Variants in GAB1 observed in about 807,000 individuals in gnomAD.
GAB1 encodes GRB2 associated binding protein 1.
GAB1 carries 19 observed loss-of-function variants against 66.5 expected under a neutral mutation model. The observed-to-expected ratio is 0.29, with a 90% CI of 0.20 to 0.42. GAB1 has a LOEUF of 0.42. Among genes scored for constraint, GAB1 ranks in the 10% least tolerant of loss-of-function variants. The pLI, the probability that GAB1 is intolerant of heterozygous loss-of-function variation, is 1.00. For missense variants in GAB1, 732 were observed against 858.5 expected (o/e 0.85, Z 1.84); for synonymous variants, 294 against 301.4 (o/e 0.98, Z 0.25).
chr4:143,415,847 GT>G, intron 2 of GAB1, 76 bp downstream of exon 2: 1 of 1,099,858 alleles, frequency 9.1e-7, no homozygotes, highest in Non-Finnish European at 1.3e-6. Flanking sequence ...ACAATTCTTT[GT>G]TATTTTAGTT....
chr4:143,365,745 A>G (rs1206146755), intron 1 of GAB1, among the ~76,000 whole-genome samples: 1 of 152,236 alleles, frequency 6.6e-6, no homozygotes, highest in African/African-American at 2.4e-5. Context: ...GTGGCTGGCC[A>G]TAGTACCCAT....
intron 2 of GAB1, among the ~76,000 whole-genome samples, chr4:143,433,208 C>G (rs955034976): frequency 6.6e-6 from 1 of 152,098 alleles, no homozygotes; most frequent in African/African-American, 2.4e-5. Context: ...GAACAGCTTC[C>G]TTCTCATAGC....
chr4:143,434,240 T>A (rs745425363), intron 3 of GAB1: 11 of 615,214 alleles, frequency 1.8e-5, no homozygotes, highest in Non-Finnish European at 2.7e-5. Flanking sequence ...TATAGCAAAT[T>A]CCATGGAATA....
At chr4:143,447,545 GT>G (rs1420172714) in intron 6 of GAB1, among the ~76,000 whole-genome samples, 1 of 152,010 alleles carries the variant, frequency 6.6e-6, no homozygotes, top group African/African-American at 2.4e-5. Flanking sequence ...GTATTTTATT[GT>G]CTTTGAAGCA....
At chr4:143,442,939 A>T (rs1480022842) in intron 6 of GAB1, among the ~76,000 whole-genome samples, 1 of 151,950 alleles carries the variant, frequency 6.6e-6, no homozygotes, top group African/African-American at 2.4e-5. Context: ...TCAAGAATAG[A>T]CTTAGCAAAA....
intron 6 of GAB1, among the ~76,000 whole-genome samples, chr4:143,448,222 G>C (rs991520560): frequency 2.6e-5 from 4 of 151,868 alleles, no homozygotes; most frequent in African/African-American, 4.9e-5. Flanking sequence ...TTGCATCAAT[G>C]TTCATCAAGG....
chr4:143,403,239 G>C (rs940683188), intron 1 of GAB1, among the ~76,000 whole-genome samples: 6 of 152,032 alleles, frequency 3.9e-5, no homozygotes, highest in Non-Finnish European at 7.4e-5. Flanking sequence ...TATTTCTCTG[G>C]CAGAAGTAGC....
intron 1 of GAB1, among the ~76,000 whole-genome samples, chr4:143,406,767 G>A (rs1435474392): frequency 3.3e-5 from 5 of 152,210 alleles, no homozygotes; most frequent in Non-Finnish European, 7.3e-5. Context: ...GTTTAACTTT[G>A]TTTGGCTCCC....
chr4:143,351,397 G>C (rs1390759772), intron 1 of GAB1, among the ~76,000 whole-genome samples: 1 of 152,200 alleles, frequency 6.6e-6, no homozygotes, highest in East Asian at 1.9e-4. Flanking sequence ...TGTTCGGCCA[G>C]TCGATGGTCA....
chr4:143,383,935 C>T (rs1003571871), intron 1 of GAB1, among the ~76,000 whole-genome samples: 9 of 151,912 alleles, frequency 5.9e-5, no homozygotes, highest in Non-Finnish European at 1.3e-4. Context: ...ACTACCCGGG[C>T]GTGGTAACAC....
In GAB1 at chr4:143,433,545, C is replaced by T. The variant is rs1490028133; in HGVS notation, c.422C>T (p.Ala141Val). ...SLQAPADLPLAINTAPPSTQA... is the reference protein window; with the variant it reads ...SLQAPADLPLVINTAPPSTQA... ...CAAGCACCAGCTGATTTACCTTTAG[C>T]TATAAATACAGCACCACCATCCACC... Residue 141 changes from alanine (A) to valine (V), a missense_variant, in exon 3 of 10, where the codon GCT becomes GTT. Ala to Val is a moderately conservative substitution (Grantham distance 64). Coordinates refer to ENST00000262994, the MANE Select transcript of GAB1 (RefSeq NM_002039.4). 4 of 1,613,988 alleles carry T rather than the reference C, an allele frequency of 2.5e-6. No individual in the cohort carries two copies. In the South Asian group the frequency reaches 3.3e-5, roughly 13 times the overall value.
chr4:143,365,509 T>C (rs1281476189), intron 1 of GAB1, among the ~76,000 whole-genome samples: 1 of 151,870 alleles, frequency 6.6e-6, no homozygotes, highest in African/African-American at 2.4e-5. Flanking sequence ...GAAAGGGGGA[T>C]TGGGGGAGTA....
chr4:143,446,981 A>T (rs902630535), intron 6 of GAB1, among the ~76,000 whole-genome samples: 4 of 152,082 alleles, frequency 2.6e-5, no homozygotes, highest in African/African-American at 9.7e-5. Context: ...ATAAGGTGTA[A>T]GGAAGGGATC....
chr4:143,379,673 AC>A (rs1173012375), intron 1 of GAB1, among the ~76,000 whole-genome samples: 1 of 151,826 alleles, frequency 6.6e-6, no homozygotes, highest in Non-Finnish European at 1.5e-5. Flanking sequence ...TGCAGCCTCG[AC>A]CTCCTGGGCT....
intron 2 of GAB1, 99 bp downstream of exon 2, chr4:143,415,870 T>C (rs1732653064): frequency 1.1e-6 from 1 of 937,926 alleles, no homozygotes; most frequent in Admixed American, 3.1e-5. Flanking sequence ...CACAATATAA[T>C]GTTTTATTTT....
chr4:143,432,805 C>G (rs527309335), intron 2 of GAB1, among the ~76,000 whole-genome samples: 14 of 152,282 alleles, frequency 9.2e-5, no homozygotes, highest in Admixed American at 7.8e-4. Context: ...TTTCATATTT[C>G]TCTCAGAACA....
At chr4:143,369,064 C>T (rs559737028) in intron 1 of GAB1, among the ~76,000 whole-genome samples, 140 of 152,226 alleles carry the variant, frequency 9.2e-4, no homozygotes, top group African/African-American at 3.2e-3. Context: ...CTCAGCCCCC[C>T]GAGTAGCTAG....
At chr4:143,400,608 T>C (rs1428701415) in intron 1 of GAB1, among the ~76,000 whole-genome samples, 1 of 152,172 alleles carries the variant, frequency 6.6e-6, no homozygotes, top group Non-Finnish European at 1.5e-5. Context: ...CCAGCAAGAA[T>C]CAAATCCAGT....
At chr4:143,417,532 T>A in intron 2 of GAB1, 1 of 313,080 alleles carries the variant, frequency 3.2e-6, no homozygotes. Flanking sequence ...CTCAGCCTTC[T>A]GAGTAGCTGG....
Sources: allele counts gnomAD v4.1 joint callset (sites outside exome capture counted in the v4.1 genomes callset), GRCh38; gene constraint gnomAD v4.1.1; transcripts MANE v1.5; gene names NCBI Gene and HGNC (gene_info 2026-07-23, HGNC 2026-07-21).